Variants in FAM186A observed in about 807,000 individuals in gnomAD.
FAM186A encodes the protein family with sequence similarity 186 member A.
Under a neutral mutation model 216.8 loss-of-function variants are expected in FAM186A, and 163 were observed. The ratio of observed to expected loss-of-function variants is 0.75; its 90% CI spans 0.66 to 0.86. FAM186A has a LOEUF of 0.86. FAM186A is among the 40% of genes least tolerant of loss of function. The probability of loss-of-function intolerance (pLI) is 0.00; values close to 1 mark genes in which losing one functional copy is unlikely to be tolerated. For missense variants in FAM186A, 2,184 were observed against 2,746.2 expected (o/e 0.80, Z 4.58); for synonymous variants, 805 against 1,025.3 (o/e 0.79, Z 4.10).
At chr12:50,380,895 G>C (rs558224074) in intron 1 of FAM186A, among the ~76,000 whole-genome samples, 1 of 152,322 alleles carries the variant, frequency 6.6e-6, no homozygotes, top group African/African-American at 2.4e-5. Context: ...GGAGTGGCGA[G>C]GGGTATGTGA....
intron 1 of FAM186A, among the ~76,000 whole-genome samples, chr12:50,374,786 G>A (rs1162722307): frequency 1.3e-5 from 2 of 151,944 alleles, no homozygotes; most frequent in African/African-American, 4.8e-5. Context: ...AATTCAATAA[G>A]GTCAAAAAAA....
intron 4 of FAM186A, among the ~76,000 whole-genome samples, chr12:50,344,404 A>G (rs930648748): frequency 1.3e-5 from 2 of 152,056 alleles, no homozygotes; most frequent in Non-Finnish European, 2.9e-5. Flanking sequence ...TGTTTAGGAT[A>G]ATGGCCTCCA....
intron 1 of FAM186A, among the ~76,000 whole-genome samples, chr12:50,395,155 G>A (rs564913780): frequency 1.3e-5 from 2 of 152,278 alleles, no homozygotes; most frequent in South Asian, 2.1e-4. Context: ...GTGGGGTGCA[G>A]TAGTGCAAGC....
At position 50,366,114 on chromosome 12, in the gene FAM186A, T is replaced by G. The variant is rs1943085190; in HGVS notation, c.193-2750A>C. 7 of 630,166 alleles carry G rather than the reference T, an allele frequency of 1.1e-5. No homozygotes were observed. In the Admixed American group the frequency reaches 1.4e-4, roughly 12 times the overall value. 39.0% of individuals were successfully genotyped at this position (630,166 alleles called of 1,614,324 possible). The stretch of plus-strand genomic sequence containing the variant: ...AAGTAATCTTATATACGAGCTTTGA[T>G]TAATACTTGAAACAAAAAAAAAAGA... On this transcript the variant is annotated intron_variant, in intron 1 of 7. Coordinates refer to ENST00000327337, the MANE Select transcript of FAM186A (RefSeq NM_001145475.3).
chr12:50,348,584 G>T (rs1037542972), intron 4 of FAM186A, among the ~76,000 whole-genome samples: 1 of 151,810 alleles, frequency 6.6e-6, no homozygotes, highest in African/African-American at 2.4e-5. Flanking sequence ...TCCTGAGATG[G>T]AGTCTTGCTC....
intron 1 of FAM186A, among the ~76,000 whole-genome samples, chr12:50,371,308 G>A (rs918101757): frequency 9.9e-5 from 15 of 151,772 alleles, no homozygotes; most frequent in Admixed American, 6.6e-4. Flanking sequence ...TAGTAGAGAC[G>A]GGGTTTCACC....
intron 1 of FAM186A, among the ~76,000 whole-genome samples, chr12:50,381,886 G>A (rs772646151): frequency 9.2e-5 from 14 of 152,058 alleles, no homozygotes; most frequent in Non-Finnish European, 1.8e-4. Flanking sequence ...CCTGAGCCCA[G>A]GAAGTTGAGG....
At chr12:50,392,644 G>A (rs918828803) in intron 1 of FAM186A, 6 of 149,156 alleles carry the variant, frequency 4.0e-5, no homozygotes, top group African/African-American at 9.9e-5. Flanking sequence ...CTATTCCCAG[G>A]CTGGAGTGCA....
At chr12:50,338,141 C>T (rs1417914982) in intron 4 of FAM186A, among the ~76,000 whole-genome samples, 1 of 152,164 alleles carries the variant, frequency 6.6e-6, no homozygotes, top group African/African-American at 2.4e-5. Context: ...AATACTACTA[C>T]TGTACTACTA....
At chr12:50,328,064 A>G (rs1942622564) in intron 7 of FAM186A, among the ~76,000 whole-genome samples, 1 of 152,216 alleles carries the variant, frequency 6.6e-6, no homozygotes, top group Non-Finnish European at 1.5e-5. Flanking sequence ...TACTTAGGCA[A>G]TTGGAAAAAA....
intron 7 of FAM186A, among the ~76,000 whole-genome samples, chr12:50,329,433 C>T (rs1275210113): frequency 1.3e-5 from 2 of 152,044 alleles, no homozygotes; most frequent in Non-Finnish European, 2.9e-5. Context: ...TTAATGGTTA[C>T]ATTTGGTTTA....
chr12:50,385,448 C>A (rs556643933), intron 1 of FAM186A, among the ~76,000 whole-genome samples: 244 of 142,916 alleles, frequency 1.7e-3, no homozygotes, highest in Non-Finnish European at 2.7e-3. Context: ...AAGTATAAAA[C>A]TACTAGAAGG....
At chr12:50,330,840 C>T (rs1382302004) in intron 6 of FAM186A, 82 bp from the exon 7 acceptor site, 3 of 1,204,972 alleles carry the variant, frequency 2.5e-6, no homozygotes, top group South Asian at 1.8e-5. Context: ...CTCCCCTCTT[C>T]ACTGCCACCT....
Position 50,353,741 on chromosome 12 carries a change from T to C in FAM186A, c.3091A>G (p.Arg1031Gly). 6.5e-7 allele frequency: 1 copy of C among 1,550,280 alleles called. No individual in the cohort carries two copies. Among genetic ancestry groups the C allele is most frequent in the Non-Finnish European group, 8.7e-7 (1 of 1,146,598 alleles). ...AGGTTCTCTAATGTCTTCAGATTCCTCTGAAACTCTTTTCCTTCATATGAC... is the reference window on the plus strand; with the variant it reads ...AGGTTCTCTAATGTCTTCAGATTCCCCTGAAACTCTTTTCCTTCATATGAC... Reference protein sequence around the residue: ...QRSYEGKEFQRNLKTLENLPD... With the variant: ...QRSYEGKEFQGNLKTLENLPD... Residue 1031 changes from arginine (R) to glycine (G), a missense_variant, in exon 4 of 8, where the codon AGG (arginine) becomes GGG (glycine). By Grantham distance (125) the Arg-to-Gly change is moderately radical. Coordinates refer to ENST00000327337, the MANE Select transcript of FAM186A (RefSeq NM_001145475.3).
In FAM186A at chr12:50,350,860, G is replaced by A. The variant is rs1266362236; in HGVS notation, c.5972C>T (p.Ser1991Leu). 1.7e-5 allele frequency: 27 copies of A among 1,551,542 alleles called. 1 individual carries two copies. Among genetic ancestry groups the A allele is most frequent in the East Asian group, 9.8e-5 (4 of 40,936 alleles). Residue 1991 changes from serine to leucine, a missense_variant, in exon 4 of 8, where the codon TCG (serine) becomes TTG (leucine). Around this residue, in one of 7 missense-constraint regions of FAM186A, gnomAD observed 721 missense variants for 816.4 expected, o/e 0.88. Coordinates refer to ENST00000327337, the MANE Select transcript of FAM186A (RefSeq NM_001145475.3). Reference sequence around the variant, plus strand: ...TTCTTCGGAAGTGTCAGAGACCTCCGACATTTGGAACTTCTTAGTGGTGAA... The same window carrying A: ...TTCTTCGGAAGTGTCAGAGACCTCCAACATTTGGAACTTCTTAGTGGTGAA... ...VPFTTKKFQM[S>L]EVSDTSEETQ...
At chr12:50,371,053 T>C (rs12814094) in intron 1 of FAM186A, among the ~76,000 whole-genome samples, 48,692 of 151,698 alleles carry the variant, frequency 0.32, 8,090 homozygotes, top group South Asian at 0.48. Context: ...GAGCCAAGAT[T>C]GCACCACAGC....
chr12:50,374,106 A>T (rs1345885956), intron 1 of FAM186A, among the ~76,000 whole-genome samples: 2 of 141,704 alleles, frequency 1.4e-5, no homozygotes, highest in East Asian at 2.1e-4. Flanking sequence ...AACAATGAGA[A>T]CACATGGACA....
In FAM186A at chr12:50,351,624, A is replaced by T; in HGVS notation, c.5208T>A (p.Leu1736=). The stretch of plus-strand genomic sequence containing the variant: ...GAGCTGATGATGCCAGGGACAGCCT[A>T]AGACTTGGAGACAATCTTGATATGA... ...QSIISRLSPS[L]RLSLASSAPT... The change falls in exon 4 of 8, where the codon CTT becomes CTA. Residue 1736 remains leucine (L), a synonymous_variant. Transcript: ENST00000327337. The T allele has an allele frequency of 6.4e-7, 1 of 1,551,564 alleles. No homozygotes were observed. Among genetic ancestry groups the T allele is most frequent in the Non-Finnish European group, 8.7e-7 (1 of 1,146,888 alleles).
rs1375371440 is a variant in FAM186A at position 50,355,320 on chromosome 12, T to A, written c.1512A>T (p.Lys504Asn). Residue 504 changes from lysine (K) to asparagine (N), a missense_variant, in exon 4 of 8, where the codon AAA (lysine) becomes AAT (asparagine). Transcript: ENST00000327337. ...YELQVLKKKR[K>N]EMKSFSEDKS... ...TATCTTCAGAAAAGGATTTCATTTCTTTTCTTTTCTTTTTCAGTACTTGTA... is the reference window on the plus strand; with the variant it reads ...TATCTTCAGAAAAGGATTTCATTTCATTTCTTTTCTTTTTCAGTACTTGTA... 3 of 1,549,872 alleles carry A rather than the reference T, an allele frequency of 1.9e-6. No individual in the cohort carries two copies. The highest frequency in any genetic ancestry group is 2.0e-5 in the Admixed American group (1 of 50,598).
Sources: allele counts gnomAD v4.1 joint callset (sites outside exome capture counted in the v4.1 genomes callset), GRCh38; gene constraint gnomAD v4.1.1; regional missense constraint gnomAD v4.1.1; transcripts MANE v1.5; gene names NCBI Gene and HGNC (gene_info 2026-07-23, HGNC 2026-07-21).